Variants in TPH2 observed in about 807,000 individuals in gnomAD.
TPH2 encodes the protein tryptophan 5-hydroxylase 2.
In TPH2, 27 loss-of-function variants were observed where a neutral mutation model predicts 59.1. That is an observed-to-expected ratio of 0.46 (90% CI 0.34 to 0.63). The LOEUF is 0.63. Among genes scored for constraint, TPH2 ranks in the 30% least tolerant of loss-of-function variants. TPH2 has a pLI of 0.01. For synonymous variants in TPH2, 220 were observed against 210.5 expected (o/e 1.05, Z -0.39); for missense variants, 523 against 588.3 (o/e 0.89, Z 1.15).
chr12:72,029,710 C>T (rs1367431667), intron 9 of TPH2, among the ~76,000 whole-genome samples: 1 of 152,122 alleles, frequency 6.6e-6, no homozygotes, highest in African/African-American at 2.4e-5. Context: ...AGGCCCTCTG[C>T]ATTCTGTGAT....
At chr12:72,031,108 A>G (rs558980754) in intron 9 of TPH2, 150 bp from the exon 10 acceptor site, 60 of 1,105,612 alleles carry the variant, frequency 5.4e-5, no homozygotes, top group Non-Finnish European at 8.1e-5. Flanking sequence ...TTTACCCTGC[A>G]CACAGGAGAG....
At chr12:71,989,936 A>G (rs1872541032) in intron 7 of TPH2, among the ~76,000 whole-genome samples, 1 of 141,222 alleles carries the variant, frequency 7.1e-6, no homozygotes, top group Non-Finnish European at 1.5e-5. Context: ...TTAGTGTCTG[A>G]TATCAGCTCT....
intron 8 of TPH2, among the ~76,000 whole-genome samples, chr12:72,001,422 T>C (rs1355299457): frequency 6.6e-6 from 1 of 151,920 alleles, no homozygotes; most frequent in East Asian, 1.9e-4. Context: ...TAAACAGCTT[T>C]GTGTTCTTTT....
intron 7 of TPH2, among the ~76,000 whole-genome samples, chr12:71,992,677 C>T (rs551301641): frequency 1.3e-5 from 2 of 152,010 alleles, no homozygotes; most frequent in Non-Finnish European, 2.9e-5. Flanking sequence ...TAAATTTTAG[C>T]TTCCTCATTT....
intron 8 of TPH2, among the ~76,000 whole-genome samples, chr12:72,013,098 C>T (rs1873143688): frequency 6.6e-6 from 1 of 151,868 alleles, no homozygotes; most frequent in South Asian, 2.1e-4. Context: ...TCTGCTGACA[C>T]TTTTTTTTTC....
Position 71,959,032 on chromosome 12 carries a change from C to A in TPH2, c.608+9377C>A, listed in dbSNP as rs80053499. 5.2e-4 allele frequency among the ~76,000 whole-genome samples: 78 copies of A among 149,402 alleles called. 1 individual carries two copies. In the East Asian group the frequency reaches 0.012, roughly 23 times the overall value. On this transcript the variant is annotated intron_variant, in intron 5 of 10. Transcript: ENST00000333850. ...TTACATGGAGTGGTGTTGATTCTAA[C>A]CTTCTATTCTCATCGAAGCAGAGAA...
At chr12:71,950,688 C>T (rs896593926) in intron 5 of TPH2, among the ~76,000 whole-genome samples, 2 of 152,116 alleles carry the variant, frequency 1.3e-5, no homozygotes, top group Admixed American at 6.5e-5. Flanking sequence ...AAATCCATCT[C>T]GTAAGGGAAA....
At chr12:71,944,772 G>T in intron 4 of TPH2, 86 bp downstream of exon 4, 1 of 1,198,036 alleles carries the variant, frequency 8.3e-7, no homozygotes, top group Non-Finnish European at 1.2e-6. Context: ...GTGCTGCAAT[G>T]CTTTATTATA....
chr12:72,022,583 T>C (rs1344190863), intron 9 of TPH2, 89 bp downstream of exon 9: 10 of 1,002,954 alleles, frequency 1.0e-5, no homozygotes, highest in Non-Finnish European at 1.4e-5. Flanking sequence ...GCATTTCTAC[T>C]CACAGATACT....
At chr12:71,975,544 T>C (rs1872094737) in intron 6 of TPH2, among the ~76,000 whole-genome samples, 1 of 152,158 alleles carries the variant, frequency 6.6e-6, no homozygotes, top group South Asian at 2.1e-4. Context: ...CCTGTACAAA[T>C]CCTCTGCCCT....
chr12:71,955,422 C>T (rs1871465692), intron 5 of TPH2, among the ~76,000 whole-genome samples: 3 of 152,160 alleles, frequency 2.0e-5, no homozygotes, highest in African/African-American at 4.8e-5. Context: ...TTTACTCAGA[C>T]CCCTGACAAC....
At chr12:71,988,436 G>A (rs1043723410) in intron 7 of TPH2, among the ~76,000 whole-genome samples, 1 of 152,156 alleles carries the variant, frequency 6.6e-6, no homozygotes, top group African/African-American at 2.4e-5. Flanking sequence ...GGGACCTCAG[G>A]AAGCTTCCAA....
In TPH2 at chr12:71,944,441, C is replaced by A; in HGVS notation, c.403C>A (p.Leu135Met). The change falls in exon 3 of 11, where the codon CTG becomes ATG. Residue 135 changes from leucine (L) to methionine (M), a missense_variant. Leu to Met is a conservative substitution (Grantham distance 15, BLOSUM62 2). Coordinates refer to ENST00000333850, the MANE Select transcript of TPH2 (RefSeq NM_173353.4). ...GAAATTTCAAACCACTATTGTGACG[C>A]TGAATCCTCCAGAGAACATTTGGAC... ...LLKFQTTIVT[L>M]NPPENIWTEE... The A allele has an allele frequency of 6.2e-7, 1 of 1,613,994 alleles. No individual in the cohort carries two copies. Among genetic ancestry groups the A allele is most frequent in the East Asian group, 2.2e-5 (1 of 44,876 alleles).
intron 5 of TPH2, among the ~76,000 whole-genome samples, chr12:71,958,326 C>A (rs1871570795): frequency 6.6e-6 from 1 of 152,114 alleles, no homozygotes; most frequent in Admixed American, 6.5e-5. Flanking sequence ...AAAGTCCACA[C>A]CGTTTTCTTT....
chr12:71,994,772 G>A (rs558986705), intron 8 of TPH2, among the ~76,000 whole-genome samples: 2 of 152,186 alleles, frequency 1.3e-5, no homozygotes, highest in East Asian at 3.9e-4. Context: ...ATTCTTGTTC[G>A]GGGGTCAGCT....
intron 9 of TPH2, among the ~76,000 whole-genome samples, chr12:72,026,558 C>T (rs967095710): frequency 2.6e-5 from 4 of 152,150 alleles, no homozygotes; most frequent in Non-Finnish European, 4.4e-5. Flanking sequence ...AATGGTGTGA[C>T]TAGAGTAAGG....
chr12:71,996,503 G>T lies in TPH2; in HGVS notation c.1068+1938G>T, dbSNP rs185752639. Among the ~76,000 whole-genome samples, 5 of 152,256 alleles carry T rather than the reference G, an allele frequency of 3.3e-5. No homozygotes were observed. The East Asian group carries it at 9.6e-4, about 29-fold the overall frequency. On this transcript the variant is annotated intron_variant, in intron 8 of 10. Coordinates refer to ENST00000333850, the MANE Select transcript of TPH2 (RefSeq NM_173353.4). Reference sequence around the variant, plus strand: ...TTCTGGTTTTAAATGCCTTGTTTTGGAACCTTTTCTGTGCATTTCAAACTT... The same window carrying T: ...TTCTGGTTTTAAATGCCTTGTTTTGTAACCTTTTCTGTGCATTTCAAACTT...
Position 71,991,476 on chromosome 12 carries a change from C to T in TPH2, c.942-2963C>T, listed in dbSNP as rs142890874. The stretch of plus-strand genomic sequence containing the variant: ...TTGTTTATGTCAATGAGAGAATACT[C>T]ATCATCTTCAGTATTTTCTTGGAGT... On this transcript the variant is annotated intron_variant, in intron 7 of 10. Transcript: ENST00000333850. 2.0e-5 allele frequency among the ~76,000 whole-genome samples: 3 copies of T among 152,304 alleles called. No individual in the cohort carries two copies. The East Asian group carries it at 5.8e-4, about 29-fold the overall frequency.
intron 9 of TPH2, among the ~76,000 whole-genome samples, chr12:72,030,847 G>A (rs544559545): frequency 6.6e-6 from 1 of 152,034 alleles, no homozygotes; most frequent in Non-Finnish European, 1.5e-5. Context: ...TATTACTTCT[G>A]CCATTTAAGT....
Sources: gnomAD v4.1 joint callset for allele counts (sites outside exome capture counted in the v4.1 genomes callset) on GRCh38, gnomAD v4.1.1 for gene constraint, MANE v1.5 for transcripts, NCBI Gene and HGNC (gene_info 2026-07-23, HGNC 2026-07-21) for gene names.